Variants in ADAMTS20 observed in about 807,000 individuals in gnomAD.
The protein encoded by ADAMTS20 is ADAM metallopeptidase with thrombospondin type 1 motif 20.
ADAMTS20 carries 225 observed loss-of-function variants against 260.1 expected under a neutral mutation model. That is an observed-to-expected ratio of 0.87 (90% CI 0.78 to 0.97). ADAMTS20 has a LOEUF of 0.97. Ranked by LOEUF, ADAMTS20 falls within the 50% of genes least tolerant of loss-of-function variation. The probability of loss-of-function intolerance (pLI) is 0.00; values close to 1 mark genes in which losing one functional copy is unlikely to be tolerated. For missense variants in ADAMTS20, 2,400 were observed against 2,337.7 expected (o/e 1.03, Z -0.55); for synonymous variants, 802 against 769.5 (o/e 1.04, Z -0.70).
chr12:43,373,864 A>G (rs1004017681), intron 36 of ADAMTS20, among the ~76,000 whole-genome samples: 2 of 151,110 alleles, frequency 1.3e-5, no homozygotes, highest in Admixed American at 1.3e-4. Context: ...TATTTTTAGT[A>G]GAGACGGGGT....
chr12:43,371,294 G>T (rs1940102116), intron 36 of ADAMTS20, among the ~76,000 whole-genome samples: 1 of 151,998 alleles, frequency 6.6e-6, no homozygotes, highest in Non-Finnish European at 1.5e-5. Context: ...CAAACTATCT[G>T]TTCCTATAAA....
rs1405602273 is a variant in ADAMTS20 at position 43,376,062 on chromosome 12, G to A, written c.5307C>T (p.Gly1769=). The A allele has an allele frequency of 6.2e-7, 1 of 1,604,420 alleles. No individual in the cohort carries two copies. The highest frequency in any genetic ancestry group is 1.3e-5 in the African/African-American group (1 of 74,636). The change falls in exon 35 of 39, where the codon GGC becomes GGT. Residue 1769 remains glycine (G), a synonymous_variant. Coordinates refer to ENST00000389420, the MANE Select transcript of ADAMTS20 (RefSeq NM_025003.5). Reference sequence around the variant, plus strand: ...GACCAAAACACATCTCGTACCTAAAGCCATACACTTCAGAAAAGTTTTCTT... The same window carrying A: ...GACCAAAACACATCTCGTACCTAAAACCATACACTTCAGAAAAGTTTTCTT... ...QGEENFSEVY[G]FRLKNPYQCP...
At chr12:43,530,111 C>T (rs1315990055) in intron 3 of ADAMTS20, among the ~76,000 whole-genome samples, 2 of 151,944 alleles carry the variant, frequency 1.3e-5, no homozygotes, top group East Asian at 1.9e-4. Flanking sequence ...AATGAAATTA[C>T]GTAGCTTTCT....
rs772631180 is a variant in ADAMTS20 at position 43,431,358 on chromosome 12, A to G, written c.3235T>C (p.Ser1079Pro). Residue 1079 changes from serine (S) to proline (P), a missense_variant, in exon 22 of 39, where the codon TCC becomes CCC. By Grantham distance (74) the Ser-to-Pro change is moderately conservative. Transcript: ENST00000389420. ...LSPCELHTCA[S>P]WQVGPWGPCT... Reference sequence around the variant, plus strand: ...GGACCCCATGGTCCTACTTGCCAGGAAGCACATGTATGAAGTTCACATGGA... The same window carrying G: ...GGACCCCATGGTCCTACTTGCCAGGGAGCACATGTATGAAGTTCACATGGA... 7 of 1,613,812 alleles carry G rather than the reference A, an allele frequency of 4.3e-6. No homozygotes were observed. The highest frequency in any genetic ancestry group is 2.7e-5 in the African/African-American group (2 of 74,924).
At chr12:43,376,763 T>C (rs1347486099) in intron 32 of ADAMTS20, 110 bp from the exon 33 acceptor site, 2 of 1,285,574 alleles carry the variant, frequency 1.6e-6, no homozygotes, top group South Asian at 1.6e-5. Context: ...TGAGGGTCAG[T>C]AGTGGCTAGA....
intron 3 of ADAMTS20, among the ~76,000 whole-genome samples, chr12:43,519,279 T>A (rs904685841): frequency 2.0e-5 from 3 of 152,114 alleles, no homozygotes; most frequent in African/African-American, 7.2e-5. Flanking sequence ...AACTGTTTAA[T>A]CTTCAGGATT....
chr12:43,354,183 AG>A lies in ADAMTS20; in HGVS notation c.*25del. On this transcript the variant is annotated 3_prime_UTR_variant, in exon 39 of 39. Transcript: ENST00000389420. ...ATATTCCAGAGAATATCCCCTCTTT[AG>A]GGCATACTTCCCCCTTCTAAATGTT... 6.7e-7 allele frequency: 1 copy of A among 1,490,234 alleles called. No homozygotes were observed. The allele number at this position is 1,490,234 out of a possible 1,614,324, so 92.3% of individuals were successfully genotyped here. A position where few individuals can be genotyped will look rare whatever the true frequency, so the allele number is the denominator to read the frequency against.
chr12:43,463,731 T>C (rs1942105505), intron 10 of ADAMTS20, among the ~76,000 whole-genome samples: 1 of 152,196 alleles, frequency 6.6e-6, no homozygotes. Flanking sequence ...CATTCTCTAA[T>C]TAATTAATTC....
intron 7 of ADAMTS20, among the ~76,000 whole-genome samples, chr12:43,472,074 G>T (rs1036257573): frequency 6.6e-6 from 1 of 151,792 alleles, no homozygotes; most frequent in Non-Finnish European, 1.5e-5. Context: ...AGGCAGAGAA[G>T]TTGAAAACTT....
intron 16 of ADAMTS20, among the ~76,000 whole-genome samples, chr12:43,442,259 C>CTT (rs201877057): frequency 3.9e-4 from 55 of 139,370 alleles, no homozygotes; most frequent in Middle Eastern, 7.6e-3. Context: ...GTGAACATTT[C>CTT]TTTTTTTTTT....
At chr12:43,375,838 C>T (rs1428445428) in intron 35 of ADAMTS20, among the ~76,000 whole-genome samples, 5 of 152,222 alleles carry the variant, frequency 3.3e-5, no homozygotes, top group Admixed American at 6.5e-5. Flanking sequence ...CTTAGTCAAT[C>T]TCTCTGTTAA....
chr12:43,378,235 T>C (rs760489483), intron 31 of ADAMTS20, among the ~76,000 whole-genome samples: 35 of 152,180 alleles, frequency 2.3e-4, no homozygotes, highest in Non-Finnish European at 4.3e-4. Flanking sequence ...AGTGACACTA[T>C]AAAATCATTC....
At chr12:43,376,951 C>G (rs1283517733) in intron 32 of ADAMTS20, among the ~76,000 whole-genome samples, 2 of 152,198 alleles carry the variant, frequency 1.3e-5, no homozygotes, top group East Asian at 3.8e-4. Flanking sequence ...GTAATTAAAA[C>G]TATCTCATTA....
chr12:43,465,205 T>A (rs761338969), intron 9 of ADAMTS20, among the ~76,000 whole-genome samples: 1 of 152,094 alleles, frequency 6.6e-6, no homozygotes, highest in African/African-American at 2.4e-5. Context: ...AAAAGTTTTA[T>A]GCTGTCTCCA....
rs199851129 is a variant in ADAMTS20 at position 43,452,664 on chromosome 12, G to A, written c.1792C>T (p.Arg598Cys). 2.7e-5 allele frequency: 43 copies of A among 1,609,774 alleles called. 1 individual carries two copies. In the Admixed American group the frequency reaches 5.2e-4, roughly 19 times the overall value. The change falls in exon 13 of 39, where the codon CGC becomes TGC. Residue 598 changes from arginine to cysteine, a missense_variant. Physicochemically the swap from Arg to Cys is radical, Grantham distance 180. Coordinates refer to ENST00000389420, the MANE Select transcript of ADAMTS20 (RefSeq NM_025003.5). Reference protein sequence around the residue: ...PRNGGNYCVGRRMKFRSCNTD... With the variant: ...PRNGGNYCVGCRMKFRSCNTD... ...TTACATGATCGAAATTTCATCCTGC[G>A]GCCCACACAGTAATTTCCTCCGTTT...
downstream of ADAMTS20, among the ~76,000 whole-genome samples, chr12:43,352,865 T>C (rs1381574441): frequency 6.6e-6 from 1 of 152,196 alleles, no homozygotes; most frequent in African/African-American, 2.4e-5. Context: ...TGTCTTAATG[T>C]TTGTAACTGG....
chr12:43,399,814 A>C (rs1940774387), intron 28 of ADAMTS20, among the ~76,000 whole-genome samples: 1 of 152,134 alleles, frequency 6.6e-6, no homozygotes, highest in African/African-American at 2.4e-5. Flanking sequence ...TAAACAAAAA[A>C]TAACTGAAGT....
chr12:43,538,953 CTTT>C (rs36106874), intron 2 of ADAMTS20, among the ~76,000 whole-genome samples: 21 of 117,528 alleles, frequency 1.8e-4, no homozygotes, highest in East Asian at 2.3e-4. Context: ...TATGAACATT[CTTT>C]TTTTTTTTTT....
At chr12:43,479,753 C>G (rs1942413704) in intron 7 of ADAMTS20, among the ~76,000 whole-genome samples, 1 of 151,974 alleles carries the variant, frequency 6.6e-6, no homozygotes, top group African/African-American at 2.4e-5. Flanking sequence ...GGACATTAAT[C>G]AGTTAAGCAA....
Sources: gnomAD v4.1 joint callset for allele counts (sites outside exome capture counted in the v4.1 genomes callset) on GRCh38, gnomAD v4.1.1 for gene constraint, MANE v1.5 for transcripts, NCBI Gene and HGNC (gene_info 2026-07-23, HGNC 2026-07-21) for gene names.